LRRC4C: variants seen among roughly 807,000 people sequenced by gnomAD.
LRRC4C encodes the protein leucine-rich repeat-containing protein 4C.
LRRC4C carries 5 observed loss-of-function variants against 33.6 expected under a neutral mutation model. That is an observed-to-expected ratio of 0.15 (90% CI 0.08 to 0.31). The LOEUF (loss-of-function observed/expected upper bound fraction) is 0.31. Ranked by LOEUF, LRRC4C falls within the 10% of genes least tolerant of loss-of-function variation. LRRC4C has a pLI of 1.00. For missense variants in LRRC4C, 560 were observed against 796.7 expected, an observed-to-expected ratio of 0.70 and a Z score of 3.58; for synonymous variants, 329 against 302.0, an observed-to-expected ratio of 1.09 and a Z score of -0.93.
intron 2 of LRRC4C, among the ~76,000 whole-genome samples, chr11:40,777,782 A>G (rs943411117): frequency 2.0e-5 from 3 of 151,188 alleles, no homozygotes; most frequent in Non-Finnish European, 4.4e-5. Context: ...CCGCCTCCCG[A>G]GTTCACGCCA....
intron 1 of LRRC4C, among the ~76,000 whole-genome samples, chr11:41,170,230 TC>T (rs1944911168): frequency 6.6e-6 from 1 of 152,184 alleles, no homozygotes; most frequent in Non-Finnish European, 1.5e-5. Context: ...CCAAAGACTT[TC>T]TTCACAGAAT....
intron 1 of LRRC4C, among the ~76,000 whole-genome samples, chr11:41,111,891 C>T (rs370025758): frequency 1.3e-5 from 2 of 151,826 alleles, no homozygotes; most frequent in African/African-American, 4.8e-5. Context: ...TAGAAATATA[C>T]CCAGATTCAG....
At chr11:41,215,954 C>T (rs950741730) in intron 1 of LRRC4C, among the ~76,000 whole-genome samples, 9 of 152,190 alleles carry the variant, frequency 5.9e-5, no homozygotes, top group South Asian at 4.1e-4. Flanking sequence ...GTGGCTGCTT[C>T]GTTCTCAAGC....
intron 5 of LRRC4C, among the ~76,000 whole-genome samples, chr11:40,216,813 G>A (rs956654871): frequency 5.9e-5 from 9 of 152,122 alleles, no homozygotes; most frequent in South Asian, 2.1e-4. Context: ...ATGGAAGACC[G>A]CAAGTTCTTT....
chr11:41,054,661 A>G (rs1323762214), intron 1 of LRRC4C, among the ~76,000 whole-genome samples: 3 of 152,212 alleles, frequency 2.0e-5, no homozygotes, highest in Non-Finnish European at 4.4e-5. Context: ...AAAGCAACTT[A>G]TCTTTTGGGT....
intron 3 of LRRC4C, among the ~76,000 whole-genome samples, chr11:40,591,062 C>T (rs944111177): frequency 5.9e-5 from 9 of 152,072 alleles, no homozygotes; most frequent in Non-Finnish European, 8.8e-5. Context: ...CAATGGTGGG[C>T]GCCCCTCCCC....
At chr11:40,603,504 T>C (rs892965311) in intron 3 of LRRC4C, among the ~76,000 whole-genome samples, 3 of 152,000 alleles carry the variant, frequency 2.0e-5, no homozygotes, top group Non-Finnish European at 2.9e-5. Flanking sequence ...CTTAACAGAG[T>C]ATATGAAAAA....
intron 1 of LRRC4C, among the ~76,000 whole-genome samples, chr11:41,321,543 G>A (rs1259719157): frequency 6.6e-6 from 1 of 152,064 alleles, no homozygotes; most frequent in Non-Finnish European, 1.5e-5. Flanking sequence ...AACTTCCCTT[G>A]GGTATATAAT....
At chr11:40,216,395 T>G (rs888274379) in intron 5 of LRRC4C, among the ~76,000 whole-genome samples, 1 of 152,166 alleles carries the variant, frequency 6.6e-6, no homozygotes, top group African/African-American at 2.4e-5. Context: ...ACCATTTCAT[T>G]TGTGATAGAG....
At position 40,403,912 on chromosome 11, in the gene LRRC4C, A is replaced by AT. The variant is rs200573512; in HGVS notation, c.-269-84192dup. Among the ~76,000 whole-genome samples, 286 of 152,134 alleles carry AT rather than the reference A, an allele frequency of 1.9e-3. 4 individuals are homozygous for AT. The East Asian group carries it at 0.029, about 15-fold the overall frequency. ...CTGTCCAAAATTCAAGTCCAGTGCA[A>AT]TTTTTTCACTCCACTGAATTCAGTT... On this transcript the variant is annotated intron_variant, in intron 3 of 6. Transcript: ENST00000528697.
chr11:41,338,686 T>C (rs2137443324), intron 1 of LRRC4C, among the ~76,000 whole-genome samples: 1 of 152,142 alleles, frequency 6.6e-6, no homozygotes, highest in East Asian at 1.9e-4. Context: ...TACACGTATC[T>C]CTGACCTTAA....
intron 4 of LRRC4C, among the ~76,000 whole-genome samples, chr11:40,298,175 A>C (rs1225049841): frequency 6.6e-6 from 1 of 152,222 alleles, no homozygotes; most frequent in Non-Finnish European, 1.5e-5. Context: ...TTAAAATAGA[A>C]AAGCTAAGAG....
chr11:41,144,844 T>G (rs1160601474), intron 1 of LRRC4C, among the ~76,000 whole-genome samples: 4 of 152,188 alleles, frequency 2.6e-5, no homozygotes, highest in East Asian at 3.9e-4. Context: ...GCTGTAGAAT[T>G]GCTCTGATTT....
chr11:40,278,673 A>G (rs898233560), intron 4 of LRRC4C, among the ~76,000 whole-genome samples: 12 of 152,176 alleles, frequency 7.9e-5, no homozygotes, highest in African/African-American at 2.9e-4. Context: ...CAACTTCAAT[A>G]CCTATATACA....
intron 3 of LRRC4C, among the ~76,000 whole-genome samples, chr11:40,389,303 G>T (rs1000036443): frequency 6.6e-6 from 1 of 152,104 alleles, no homozygotes; most frequent in African/African-American, 2.4e-5. Flanking sequence ...CTAAGAAAGA[G>T]CAGGGCATTG....
In LRRC4C at chr11:41,276,342, G is replaced by A. The variant is rs189766698; in HGVS notation, c.-496+183089C>T. On this transcript the variant is annotated intron_variant, in intron 1 of 6. Coordinates refer to ENST00000528697, the MANE Select transcript of LRRC4C (RefSeq NM_001258419.2). The stretch of plus-strand genomic sequence containing the variant: ...CAGCCAGCCTGTGTTTTAGCTCCTT[G>A]AACATGCCCATCCTGTTTTTACCAG... 2.6e-4 allele frequency among the ~76,000 whole-genome samples: 34 copies of A among 133,310 alleles called. No individual in the cohort carries two copies. The East Asian group carries it at 6.4e-3, about 25-fold the overall frequency. The allele number at this position is 133,310 out of a possible 152,430, so 87.5% of individuals were successfully genotyped here. A position where few individuals can be genotyped will look rare whatever the true frequency, so the allele number is the denominator to read the frequency against.
chr11:40,923,709 C>A (rs1215304771), intron 2 of LRRC4C, among the ~76,000 whole-genome samples: 2 of 152,040 alleles, frequency 1.3e-5, no homozygotes, highest in South Asian at 2.1e-4. Context: ...AAAATGATAT[C>A]TAAAAGAAGA....
intron 3 of LRRC4C, among the ~76,000 whole-genome samples, chr11:40,570,101 T>C (rs558689561): frequency 1.1e-4 from 16 of 152,158 alleles, no homozygotes; most frequent in African/African-American, 3.9e-4. Context: ...TATACATGCA[T>C]ACATATAAAT....
chr11:40,126,163 C>CAA (rs1565020019), intron 6 of LRRC4C, among the ~76,000 whole-genome samples: 3 of 126,744 alleles, frequency 2.4e-5, no homozygotes, highest in Non-Finnish European at 5.1e-5. Flanking sequence ...TTGAGATTTA[C>CAA]GAAAAAAAAA....
Sources: allele counts gnomAD v4.1 joint callset (sites outside exome capture counted in the v4.1 genomes callset), GRCh38; gene constraint gnomAD v4.1.1; transcripts MANE v1.5; gene names NCBI Gene and HGNC (gene_info 2026-07-23, HGNC 2026-07-21).